Variants in PARD3 observed in about 807,000 individuals in gnomAD.
PARD3 encodes the protein partitioning defective 3 homolog.
A neutral mutation model predicts 155.4 loss-of-function variants in PARD3; 75 were observed. The ratio of observed to expected loss-of-function variants is 0.48; its 90% CI spans 0.40 to 0.58. PARD3 has a LOEUF of 0.58. Among genes scored for constraint, PARD3 ranks in the 20% least tolerant of loss-of-function variants. PARD3 has a pLI of 0.00. For synonymous variants in PARD3, 576 were observed against 610.5 expected (o/e 0.94, Z 0.83); for missense variants, 1,642 against 1,721.7 (o/e 0.95, Z 0.82).
chr10:34,307,126 G>A (rs1266179890), intron 20 of PARD3, among the ~76,000 whole-genome samples: 1 of 152,034 alleles, frequency 6.6e-6, no homozygotes, highest in African/African-American at 2.4e-5. Flanking sequence ...TCCTGAACTC[G>A]TGATCCGCCC....
intron 2 of PARD3, among the ~76,000 whole-genome samples, chr10:34,637,934 T>C (rs1035173743): frequency 1.2e-4 from 19 of 152,190 alleles, no homozygotes; most frequent in African/African-American, 4.6e-4. Context: ...AACTTTTACA[T>C]AGGAAAAGCT....
intron 4 of PARD3, among the ~76,000 whole-genome samples, chr10:34,467,361 G>A (rs2078075785): frequency 6.6e-6 from 1 of 151,438 alleles, no homozygotes; most frequent in Admixed American, 6.6e-5. Flanking sequence ...GTGTGTGTGT[G>A]TAAATACTGG....
intron 2 of PARD3, among the ~76,000 whole-genome samples, chr10:34,531,761 T>C (rs2082873119): frequency 6.6e-6 from 1 of 152,178 alleles, no homozygotes; most frequent in Non-Finnish European, 1.5e-5. Flanking sequence ...TTCTCTCCTT[T>C]TTTGGGAGCA....
At chr10:34,349,740 T>C (rs1236904843) in intron 14 of PARD3, among the ~76,000 whole-genome samples, 1 of 152,014 alleles carries the variant, frequency 6.6e-6, no homozygotes, top group Non-Finnish European at 1.5e-5. Flanking sequence ...TACTATACAA[T>C]AATTTATCAA....
chr10:34,226,084 G>A lies in PARD3; in HGVS notation c.3419+43573C>T, dbSNP rs185460163. Among the ~76,000 whole-genome samples, 266 of 152,252 alleles carry A rather than the reference G, an allele frequency of 1.7e-3. 1 individual carries two copies. Among genetic ancestry groups the A allele is most frequent in the African/African-American group, 5.9e-3 (243 of 41,538 alleles). Reference sequence around the variant, plus strand: ...AGATCTATAAATGACTTACAATTCAGTAAGAAGATAAGCAATCTTATAAAA... The same window carrying A: ...AGATCTATAAATGACTTACAATTCAATAAGAAGATAAGCAATCTTATAAAA... On this transcript the variant is annotated intron_variant, in intron 22 of 24. Coordinates refer to ENST00000374788, the MANE Select transcript of PARD3 (RefSeq NM_001184785.2).
At chr10:34,503,445 T>C (rs2080845800) in intron 3 of PARD3, among the ~76,000 whole-genome samples, 1 of 152,234 alleles carries the variant, frequency 6.6e-6, no homozygotes, top group African/African-American at 2.4e-5. Flanking sequence ...CTTTAAAAGA[T>C]AATTTATTCT....
intron 3 of PARD3, among the ~76,000 whole-genome samples, chr10:34,515,112 T>C (rs1010219094): frequency 1.3e-5 from 2 of 152,142 alleles, no homozygotes; most frequent in African/African-American, 4.8e-5. Context: ...ACAGGATCAT[T>C]CCAAGCAGAT....
chr10:34,602,293 C>T (rs1276442183), intron 2 of PARD3, among the ~76,000 whole-genome samples: 1 of 151,962 alleles, frequency 6.6e-6, no homozygotes, highest in Admixed American at 6.6e-5. Context: ...TTCTTTTTTT[C>T]CTTCTTAATA....
chr10:34,172,760 A>C (rs1246505039), intron 22 of PARD3, among the ~76,000 whole-genome samples: 3 of 143,542 alleles, frequency 2.1e-5, no homozygotes, highest in South Asian at 4.3e-4. Flanking sequence ...AAAAAAAAAA[A>C]CAAAAAAAAA....
chr10:34,801,951 AT>A (rs1177643246), intron 1 of PARD3, among the ~76,000 whole-genome samples: 2 of 152,204 alleles, frequency 1.3e-5, no homozygotes, highest in African/African-American at 4.8e-5. Flanking sequence ...ACATCTCTGC[AT>A]TTTATTAATA....
chr10:34,542,813 A>T (rs763181791), intron 2 of PARD3, among the ~76,000 whole-genome samples: 1 of 152,246 alleles, frequency 6.6e-6, no homozygotes, highest in African/African-American at 2.4e-5. Context: ...ACAAGGCATC[A>T]TCATTTATAC....
chr10:34,582,398 A>AAAG (rs2087572480), intron 2 of PARD3, among the ~76,000 whole-genome samples: 1 of 152,246 alleles, frequency 6.6e-6, no homozygotes, highest in South Asian at 2.1e-4. Flanking sequence ...TGTGAAAATT[A>AAAG]AAGACAGTAC....
At chr10:34,214,712 T>C (rs1262814922) in intron 22 of PARD3, among the ~76,000 whole-genome samples, 1 of 152,198 alleles carries the variant, frequency 6.6e-6, no homozygotes, top group Non-Finnish European at 1.5e-5. Flanking sequence ...GGTTCATCAT[T>C]GTATAACGGA....
chr10:34,190,290 T>A (rs1325110896), intron 22 of PARD3, among the ~76,000 whole-genome samples: 1 of 152,196 alleles, frequency 6.6e-6, no homozygotes, highest in African/African-American at 2.4e-5. Context: ...AATAGGAGGA[T>A]CTTGTTGTCT....
intron 20 of PARD3, among the ~76,000 whole-genome samples, chr10:34,294,565 C>A (rs961725777): frequency 2.6e-5 from 4 of 152,186 alleles, no homozygotes; most frequent in African/African-American, 9.7e-5. Context: ...CCTTTTGATT[C>A]ACATTTCTTA....
chr10:34,666,779 A>ATC (rs1564481308), intron 2 of PARD3, among the ~76,000 whole-genome samples: 96 of 84,672 alleles, frequency 1.1e-3, no homozygotes, highest in African/African-American at 5.0e-3. Context: ...CCTCCCCCTA[A>ATC]AAAAAAAAAA....
chr10:34,636,118 A>G (rs1046739344), intron 2 of PARD3, among the ~76,000 whole-genome samples: 47 of 152,294 alleles, frequency 3.1e-4, no homozygotes, highest in African/African-American at 7.9e-4. Flanking sequence ...AAGAAGGAAG[A>G]AGAAGAAGCC....
At chr10:34,678,318 C>T (rs1453754186) in intron 2 of PARD3, among the ~76,000 whole-genome samples, 1 of 152,150 alleles carries the variant, frequency 6.6e-6, no homozygotes, top group African/African-American at 2.4e-5. Context: ...AAGTGATCCA[C>T]CTCCTTTGGC....
At chr10:34,205,576 G>C (rs1000403965) in intron 22 of PARD3, among the ~76,000 whole-genome samples, 1 of 152,130 alleles carries the variant, frequency 6.6e-6, no homozygotes, top group African/African-American at 2.4e-5. Flanking sequence ...AGAGGGACTT[G>C]AATTTTGAAA....
Sources: allele counts gnomAD v4.1 joint callset (sites outside exome capture counted in the v4.1 genomes callset), GRCh38; gene constraint gnomAD v4.1.1; transcripts MANE v1.5; gene names NCBI Gene and HGNC (gene_info 2026-07-23, HGNC 2026-07-21).